LNPK: variants seen among roughly 807,000 people sequenced by gnomAD.
The protein encoded by LNPK is lunapark, ER junction formation factor.
In LNPK, 29 loss-of-function variants were observed where a neutral mutation model predicts 55.2. The ratio of observed to expected loss-of-function variants is 0.53; its 90% CI spans 0.39 to 0.72. LNPK has a LOEUF of 0.72. Ranked by LOEUF, LNPK falls within the 30% of genes least tolerant of loss-of-function variation. LNPK has a pLI of 0.00. For synonymous variants in LNPK, 162 were observed against 168.2 expected, an observed-to-expected ratio of 0.96 and a Z score of 0.29; for missense variants, 467 against 494.8, an observed-to-expected ratio of 0.94 and a Z score of 0.53.
At chr2:175,963,624 A>G (rs1279836083) in intron 8 of LNPK, among the ~76,000 whole-genome samples, 1 of 152,202 alleles carries the variant, frequency 6.6e-6, no homozygotes, top group Non-Finnish European at 1.5e-5. Context: ...TAGTGGGTGC[A>G]GTGCACCAAC....
intron 1 of LNPK, 119 bp from the exon 2 acceptor site, chr2:175,995,765 T>C: frequency 2.5e-6 from 1 of 404,168 alleles, no homozygotes; most frequent in Non-Finnish European, 4.4e-6. Context: ...GCCACATATA[T>C]GGAATTTGAT....
chr2:175,976,663 C>T (rs1193143686), intron 5 of LNPK, among the ~76,000 whole-genome samples: 2 of 152,134 alleles, frequency 1.3e-5, no homozygotes, highest in African/African-American at 4.8e-5. Flanking sequence ...CACACCATGC[C>T]CGACTCCCTG....
At position 175,970,778 on chromosome 2, in the gene LNPK, G is replaced by A; in HGVS notation, c.343C>T (p.Gln115Ter). 2 of 1,379,672 alleles carry A rather than the reference G, an allele frequency of 1.4e-6. No homozygotes were observed. The highest frequency in any genetic ancestry group is 1.9e-6 in the Non-Finnish European group (2 of 1,033,952). 85.5% of individuals were successfully genotyped at this position (1,379,672 alleles called of 1,614,324 possible). A position where few individuals can be genotyped will look rare whatever the true frequency, so the allele number is the denominator to read the frequency against. ...AGTTAACTTACTATTTTTTTCCTCT[G>A]GGATTTTAAATCATCCAATGCTTCA... is the stretch of plus-strand genomic sequence containing the variant. ...NNEALDDLKS[Q>*]RKKILEEVME... Residue 115 changes from glutamine to a stop codon, truncating the protein, a stop_gained, in exon 6 of 13, where the codon CAG (glutamine) becomes TAG (stop). Coordinates refer to ENST00000272748, the MANE Select transcript of LNPK (RefSeq NM_030650.3). LOFTEE classifies it high-confidence loss of function.
At chr2:175,990,585 C>A (rs970817909) in intron 4 of LNPK, among the ~76,000 whole-genome samples, 1 of 152,174 alleles carries the variant, frequency 6.6e-6, no homozygotes, top group Non-Finnish European at 1.5e-5. Flanking sequence ...ACATTACACA[C>A]AAAAGGCAAA....
chr2:175,984,841 T>C (rs1687331586), intron 4 of LNPK, among the ~76,000 whole-genome samples: 1 of 152,206 alleles, frequency 6.6e-6, no homozygotes. Flanking sequence ...TACCATATAC[T>C]CCAGCATTTG....
At chr2:176,000,171 T>C (rs992496718) in intron 1 of LNPK, among the ~76,000 whole-genome samples, 10 of 152,328 alleles carry the variant, frequency 6.6e-5, no homozygotes, top group Non-Finnish European at 1.3e-4. Context: ...TCTTGGGAAA[T>C]GTTTTTCTTA....
chr2:175,994,168 A>G (rs1687827711), intron 2 of LNPK: 2 of 980,804 alleles, frequency 2.0e-6, no homozygotes, highest in Admixed American at 6.2e-5. Flanking sequence ...AGGGTAATGA[A>G]TATCAGTTCA....
intron 5 of LNPK, among the ~76,000 whole-genome samples, chr2:175,979,140 G>C (rs1247313450): frequency 6.6e-6 from 1 of 151,838 alleles, no homozygotes; most frequent in East Asian, 1.9e-4. Context: ...ATACATTTGG[G>C]ATATACTTCA....
At chr2:175,998,375 G>A (rs1305787980) in intron 1 of LNPK, among the ~76,000 whole-genome samples, 4 of 151,146 alleles carry the variant, frequency 2.6e-5, no homozygotes, top group South Asian at 2.1e-4. Flanking sequence ...CCCAGGAGGC[G>A]GAGGTTGCAG....
chr2:175,924,408 T>C lies in LNPK; in HGVS notation c.*5559A>G, dbSNP rs558233699. On this transcript the variant is annotated 3_prime_UTR_variant, in exon 13 of 13. Transcript: ENST00000272748. The stretch of plus-strand genomic sequence containing the variant: ...AGAAAGTTTTAAGACGATTAAGTAG[T>C]TGCTGTCCACTGGAAATAAAAGTAG... 6.6e-6 allele frequency: 1 copy of C among 152,342 alleles called. No individual in the cohort carries two copies. Among genetic ancestry groups the C allele is most frequent in the East Asian group, 1.9e-4 (1 of 5,194 alleles). 9.4% of individuals were successfully genotyped at this position (152,342 alleles called of 1,614,324 possible).
At chr2:175,983,959 G>GA (rs948651801) in intron 4 of LNPK, among the ~76,000 whole-genome samples, 2 of 149,604 alleles carry the variant, frequency 1.3e-5, no homozygotes, top group East Asian at 2.0e-4. Context: ...TTAAGGTATA[G>GA]AAAAAAAAAG....
At chr2:175,960,487 A>G (rs1211385576) in intron 8 of LNPK, among the ~76,000 whole-genome samples, 2 of 152,232 alleles carry the variant, frequency 1.3e-5, no homozygotes, top group Non-Finnish European at 2.9e-5. Context: ...TGAAGGCAGA[A>G]ATAAAGATGT....
intron 8 of LNPK, among the ~76,000 whole-genome samples, chr2:175,962,851 T>G (rs1686117945): frequency 6.6e-6 from 1 of 151,008 alleles, no homozygotes; most frequent in African/African-American, 2.4e-5. Context: ...CTCAAACAAA[T>G]TTACAAGAAA....
At chr2:175,943,294 T>TA (rs1156804086) in intron 9 of LNPK, among the ~76,000 whole-genome samples, 4 of 151,008 alleles carry the variant, frequency 2.6e-5, no homozygotes, top group South Asian at 2.1e-4. Context: ...GTCATATCTT[T>TA]AAAATTAAGG....
At chr2:175,997,044 C>G (rs1473725465) in intron 1 of LNPK, among the ~76,000 whole-genome samples, 1 of 152,148 alleles carries the variant, frequency 6.6e-6, no homozygotes, top group African/African-American at 2.4e-5. Flanking sequence ...ATACCAGTAT[C>G]AAGTAAGCAC....
At chr2:175,981,540 T>C (rs1036311884) in intron 4 of LNPK, among the ~76,000 whole-genome samples, 18 of 151,898 alleles carry the variant, frequency 1.2e-4, no homozygotes, top group African/African-American at 4.4e-4. Context: ...TCCTGGATTA[T>C]ACAAAGAAAA....
chr2:175,996,291 C>T (rs964819158), intron 1 of LNPK, among the ~76,000 whole-genome samples: 2 of 152,166 alleles, frequency 1.3e-5, no homozygotes, highest in Non-Finnish European at 2.9e-5. Context: ...TACCATACTA[C>T]TTTCATACTA....
intron 1 of LNPK, among the ~76,000 whole-genome samples, chr2:176,000,387 GCA>G (rs1418273996): frequency 6.6e-6 from 1 of 152,110 alleles, no homozygotes; most frequent in African/African-American, 2.4e-5. Flanking sequence ...GTATCATTTG[GCA>G]CAGTGTCCGA....
intron 1 of LNPK, among the ~76,000 whole-genome samples, chr2:176,001,491 ATTTG>A (rs1358177443): frequency 6.6e-6 from 1 of 152,076 alleles, no homozygotes; most frequent in African/African-American, 2.4e-5. Context: ...CGGAATTTAG[ATTTG>A]TTTTTCTCCT....
Sources: gnomAD v4.1 joint callset for allele counts (sites outside exome capture counted in the v4.1 genomes callset) on GRCh38, gnomAD v4.1.1 for gene constraint, MANE v1.5 for transcripts, NCBI Gene and HGNC (gene_info 2026-07-23, HGNC 2026-07-21) for gene names.